LRRC1: variants seen among roughly 807,000 people sequenced by gnomAD.
LRRC1 encodes the protein leucine rich repeat containing 1, also known as leucine-rich repeat-containing protein 1.
A neutral mutation model predicts 69.9 loss-of-function variants in LRRC1; 28 were observed. The observed-to-expected ratio is 0.40, with a 90% CI of 0.30 to 0.55. The LOEUF is 0.55. LRRC1 is among the 20% of genes least tolerant of loss of function. The probability of loss-of-function intolerance (pLI) is 0.47; values close to 1 mark genes in which losing one functional copy is unlikely to be tolerated. For synonymous variants in LRRC1, 236 were observed against 240.2 expected (o/e 0.98, Z 0.16); for missense variants, 498 against 609.0 (o/e 0.82, Z 1.92).
Position 53,896,637 on chromosome 6 carries a change from A to G in LRRC1, c.503+83A>G. 3.8e-6 allele frequency: 5 copies of G among 1,331,518 alleles called. 1 individual carries two copies. Among genetic ancestry groups the G allele is most frequent in the South Asian group, 2.4e-5 (2 of 82,886 alleles). 82.5% of individuals were successfully genotyped at this position (1,331,518 alleles called of 1,614,324 possible). On this transcript the variant is annotated intron_variant, in intron 5 of 13. Transcript: ENST00000370888. ...AAAAACAGGACTACAGTATTACGTGAAAACATTTGTGTGTTTTGGGAAGTT... is the reference window on the plus strand; with the variant it reads ...AAAAACAGGACTACAGTATTACGTGGAAACATTTGTGTGTTTTGGGAAGTT...
intron 1 of LRRC1, among the ~76,000 whole-genome samples, chr6:53,836,516 C>T (rs1423814085): frequency 1.3e-5 from 2 of 152,168 alleles, no homozygotes; most frequent in East Asian, 3.8e-4. Flanking sequence ...GCTTCTCCCT[C>T]CTCCTCTAGA....
chr6:53,877,852 G>A (rs757671953), intron 2 of LRRC1, among the ~76,000 whole-genome samples: 9 of 152,138 alleles, frequency 5.9e-5, no homozygotes, highest in Non-Finnish European at 1.3e-4. Flanking sequence ...TCCAGCCTCC[G>A]CCTGTGAACC....
chr6:53,796,410 A>G (rs149166949), intron 1 of LRRC1, among the ~76,000 whole-genome samples: 101 of 152,066 alleles, frequency 6.6e-4, no homozygotes, highest in Middle Eastern at 3.4e-3. Flanking sequence ...CAATAATCCA[A>G]AGGTGTGCAG....
At chr6:53,812,009 A>G (rs1764806155) in intron 1 of LRRC1, among the ~76,000 whole-genome samples, 1 of 152,218 alleles carries the variant, frequency 6.6e-6, no homozygotes, top group Non-Finnish European at 1.5e-5. Context: ...AGCTAATAGC[A>G]AAGTCTTCCT....
At chr6:53,839,914 A>G (rs1385934167) in intron 1 of LRRC1, among the ~76,000 whole-genome samples, 3 of 152,172 alleles carry the variant, frequency 2.0e-5, no homozygotes, top group South Asian at 2.1e-4. Flanking sequence ...GATACTTCCA[A>G]ACATGTCAGA....
chr6:53,818,499 T>C (rs1463757578), intron 1 of LRRC1, among the ~76,000 whole-genome samples: 1 of 152,250 alleles, frequency 6.6e-6, no homozygotes, highest in Non-Finnish European at 1.5e-5. Flanking sequence ...GTGCAGTCCT[T>C]ACAGAATTAA....
Position 53,881,580 on chromosome 6 carries a change from A to G in LRRC1, c.357-1307A>G, listed in dbSNP as rs138605924. 2.7e-3 allele frequency among the ~76,000 whole-genome samples: 417 copies of G among 152,298 alleles called. 3 individuals carry two copies. The highest frequency in any genetic ancestry group is 9.4e-3 in the African/African-American group (392 of 41,574). The stretch of plus-strand genomic sequence containing the variant: ...CCAGTGATTATAAATATTCCAGTTA[A>G]TACCCTGATCTTGTGGGTCTGGATT... On this transcript the variant is annotated intron_variant, in intron 3 of 13. Coordinates refer to ENST00000370888, the MANE Select transcript of LRRC1 (RefSeq NM_018214.5).
chr6:53,802,861 C>T (rs1764525692), intron 1 of LRRC1, among the ~76,000 whole-genome samples: 1 of 152,104 alleles, frequency 6.6e-6, no homozygotes. Context: ...AAACTCATTG[C>T]TTGTATATCT....
At chr6:53,862,554 G>A (rs1269829493) in intron 2 of LRRC1, among the ~76,000 whole-genome samples, 1 of 152,178 alleles carries the variant, frequency 6.6e-6, no homozygotes, top group Non-Finnish European at 1.5e-5. Context: ...TTTGGTAATT[G>A]TGGCTTTAGG....
chr6:53,804,188 G>T (rs1246836091), intron 1 of LRRC1, among the ~76,000 whole-genome samples: 1 of 152,138 alleles, frequency 6.6e-6, no homozygotes, highest in Non-Finnish European at 1.5e-5. Context: ...AGAAAGAATA[G>T]TCACTTGATT....
chr6:53,903,187 TG>T (rs897840098), intron 9 of LRRC1, among the ~76,000 whole-genome samples: 1 of 151,942 alleles, frequency 6.6e-6, no homozygotes, highest in Non-Finnish European at 1.5e-5. Context: ...CTTGGCAGGA[TG>T]GGGGCTGGGA....
intron 2 of LRRC1, among the ~76,000 whole-genome samples, chr6:53,853,537 G>T (rs1433376371): frequency 6.6e-6 from 1 of 152,034 alleles, no homozygotes; most frequent in Non-Finnish European, 1.5e-5. Flanking sequence ...CACCTGCCTT[G>T]GCCTCCCAAA....
Position 53,899,888 on chromosome 6 carries a change from A to G in LRRC1, c.784A>G (p.Ile262Val), listed in dbSNP as rs1767993047. The G allele has an allele frequency of 6.2e-7, 1 of 1,613,636 alleles. No individual in the cohort carries two copies. Among genetic ancestry groups the G allele is most frequent in the African/African-American group, 1.3e-5 (1 of 74,890 alleles). The change falls in exon 8 of 14, where the codon ATT (isoleucine) becomes GTT (valine). Residue 262 changes from isoleucine (I) to valine (V), a missense_variant. Physicochemically the swap from Ile to Val is conservative, Grantham distance 29 (BLOSUM62 3). Around this residue, in one of 3 missense-constraint regions of LRRC1, gnomAD observed 266 missense variants for 383.9 expected, o/e 0.69. Coordinates refer to ENST00000370888, the MANE Select transcript of LRRC1 (RefSeq NM_018214.5). ...QNLLETIPDG[I>V]GKLKKLSILK... ...CTTATTAGAAACGATTCCGGATGGC[A>G]TTGGTAAGCATTGGAAATCACTAAC...
At chr6:53,818,894 A>G (rs1335368298) in intron 1 of LRRC1, among the ~76,000 whole-genome samples, 1 of 152,128 alleles carries the variant, frequency 6.6e-6, no homozygotes, top group Non-Finnish European at 1.5e-5. Context: ...GAGCATAGGA[A>G]CTCATGTAGA....
chr6:53,882,638 T>C (rs1767334622), intron 3 of LRRC1, among the ~76,000 whole-genome samples: 1 of 152,198 alleles, frequency 6.6e-6, no homozygotes, highest in Non-Finnish European at 1.5e-5. Flanking sequence ...CTTTCTACTT[T>C]AATTATTTCT....
intron 9 of LRRC1, among the ~76,000 whole-genome samples, chr6:53,903,719 G>A (rs1330125776): frequency 1.3e-5 from 2 of 152,202 alleles, no homozygotes; most frequent in Non-Finnish European, 2.9e-5. Flanking sequence ...TCAGACAGCT[G>A]AAGCAGCCAG....
At chr6:53,804,544 C>A (rs900671262) in intron 1 of LRRC1, among the ~76,000 whole-genome samples, 5 of 152,200 alleles carry the variant, frequency 3.3e-5, no homozygotes, top group African/African-American at 4.8e-5. Flanking sequence ...ATATCTTGGA[C>A]ATTTTTCATA....
At chr6:53,855,066 A>C (rs1472425752) in intron 2 of LRRC1, among the ~76,000 whole-genome samples, 1 of 152,200 alleles carries the variant, frequency 6.6e-6, no homozygotes, top group Non-Finnish European at 1.5e-5. Context: ...GAGGTGAGTA[A>C]GCAGTTTCAA....
chr6:53,902,808 A>T, intron 9 of LRRC1, 61 bp downstream of exon 9: 1 of 1,054,626 alleles, frequency 9.5e-7, no homozygotes, highest in Non-Finnish European at 1.4e-6. Context: ...CTTAATTTGT[A>T]ATTTGAGTGG....
Sources: gnomAD v4.1 joint callset for allele counts (sites outside exome capture counted in the v4.1 genomes callset) on GRCh38, gnomAD v4.1.1 for gene constraint, gnomAD v4.1.1 regional missense constraint, MANE v1.5 for transcripts, NCBI Gene and HGNC (gene_info 2026-07-23, HGNC 2026-07-21) for gene names.